AMPH: variants seen among roughly 807,000 people sequenced by gnomAD.
The protein encoded by AMPH is amphiphysin (Stiff-Mann syndrome with breast cancer 128kD autoantigen).
A neutral mutation model predicts 99.1 loss-of-function variants in AMPH; 49 were observed. The observed-to-expected ratio is 0.49, with a 90% CI of 0.39 to 0.63. AMPH has a LOEUF of 0.63. Among genes scored for constraint, AMPH ranks in the 20% least tolerant of loss-of-function variants. The pLI, the probability that AMPH is intolerant of heterozygous loss-of-function variation, is 0.00. For synonymous variants in AMPH, 314 were observed against 317.3 expected (o/e 0.99, Z 0.11); for missense variants, 759 against 863.4 (o/e 0.88, Z 1.52).
chr7:38,513,757 A>G (rs973021185), intron 2 of AMPH, among the ~76,000 whole-genome samples: 1 of 152,158 alleles, frequency 6.6e-6, no homozygotes, highest in Admixed American at 6.5e-5. Context: ...TACCTTAAAA[A>G]AAGTGTCCTG....
At chr7:38,598,743 G>A (rs17499304) in intron 1 of AMPH, among the ~76,000 whole-genome samples, 2 of 151,852 alleles carry the variant, frequency 1.3e-5, no homozygotes, top group African/African-American at 4.8e-5. Flanking sequence ...TCTTAGTTAT[G>A]TTTATTTTAT....
At chr7:38,444,700 G>T (rs1456310911) in intron 11 of AMPH, among the ~76,000 whole-genome samples, 1 of 152,064 alleles carries the variant, frequency 6.6e-6, no homozygotes, top group Non-Finnish European at 1.5e-5. Context: ...AACTGTTAGA[G>T]AATTTTTTTG....
At chr7:38,501,052 C>T (rs946265390) in intron 3 of AMPH, among the ~76,000 whole-genome samples, 8 of 152,124 alleles carry the variant, frequency 5.3e-5, no homozygotes, top group Admixed American at 1.3e-4. Flanking sequence ...CCATTGGTCA[C>T]GTAGTTCAAA....
chr7:38,570,086 C>T (rs1490866623), intron 1 of AMPH, among the ~76,000 whole-genome samples: 9 of 152,072 alleles, frequency 5.9e-5, no homozygotes, highest in African/African-American at 9.7e-5. Flanking sequence ...GTTGCCTTAA[C>T]GAGTCCTGGA....
At chr7:38,415,598 C>A (rs1785354289) in intron 17 of AMPH, among the ~76,000 whole-genome samples, 1 of 152,108 alleles carries the variant, frequency 6.6e-6, no homozygotes, top group Non-Finnish European at 1.5e-5. Context: ...TTATCTGATT[C>A]TATTTTCCTA....
chr7:38,412,823 C>A (rs1398937514), intron 17 of AMPH, among the ~76,000 whole-genome samples: 1 of 152,082 alleles, frequency 6.6e-6, no homozygotes, highest in Non-Finnish European at 1.5e-5. Context: ...ATCTCCTGGG[C>A]AATGAAGATA....
intron 5 of AMPH, among the ~76,000 whole-genome samples, chr7:38,488,099 T>A (rs1451424463): frequency 6.6e-6 from 1 of 152,194 alleles, no homozygotes; most frequent in South Asian, 2.1e-4. Context: ...GTTCAACCAT[T>A]CTGGAAGACA....
chr7:38,392,035 G>C lies in AMPH; in HGVS notation c.1609-18C>G, dbSNP rs774582370. 9.4e-6 allele frequency: 15 copies of C among 1,600,784 alleles called. No individual in the cohort carries two copies. In the Admixed American group the frequency reaches 2.5e-4, roughly 27 times the overall value. On this transcript the variant is annotated intron_variant, in intron 18 of 20. Coordinates refer to ENST00000356264, the MANE Select transcript of AMPH (RefSeq NM_001635.4). ...ACCTTCTCCTGGGGGAAGAAAAACC[G>C]TGGCGATGCCCGGCAGGGCCTGGAA...
intron 1 of AMPH, among the ~76,000 whole-genome samples, chr7:38,604,090 A>G (rs1164036806): frequency 6.6e-6 from 1 of 152,200 alleles, no homozygotes; most frequent in African/African-American, 2.4e-5. Flanking sequence ...AAATAGACAC[A>G]CAAGTGTGAT....
At chr7:38,593,557 C>T (rs189418736) in intron 1 of AMPH, among the ~76,000 whole-genome samples, 4 of 152,332 alleles carry the variant, frequency 2.6e-5, no homozygotes, top group Non-Finnish European at 5.9e-5. Flanking sequence ...CTAACTGCCT[C>T]TATAAAAATA....
intron 1 of AMPH, among the ~76,000 whole-genome samples, chr7:38,545,000 T>C (rs1790941697): frequency 6.6e-6 from 1 of 152,230 alleles, no homozygotes; most frequent in Non-Finnish European, 1.5e-5. Flanking sequence ...AAAGGGATAC[T>C]GTAGAGTCTA....
intron 17 of AMPH, among the ~76,000 whole-genome samples, chr7:38,399,626 C>G (rs1012634273): frequency 6.6e-6 from 1 of 152,188 alleles, no homozygotes; most frequent in Non-Finnish European, 1.5e-5. Flanking sequence ...ATTTTCTATG[C>G]TCTGCTTGCT....
chr7:38,414,971 AT>A (rs35687877), intron 17 of AMPH, among the ~76,000 whole-genome samples: 1 of 151,990 alleles, frequency 6.6e-6, no homozygotes, highest in South Asian at 2.1e-4. Context: ...GCCCCAAATC[AT>A]TTTTTTTCTA....
intron 2 of AMPH, among the ~76,000 whole-genome samples, chr7:38,509,054 AGC>A (rs769886786): frequency 6.6e-6 from 1 of 152,170 alleles, no homozygotes; most frequent in Non-Finnish European, 1.5e-5. Flanking sequence ...AAGATGTAAA[AGC>A]GCCCAGGGTC....
rs1012093663 is a variant in AMPH, at chr7:38,580,334, T to C, written c.70-45323A>G. Among the ~76,000 whole-genome samples the C allele has an allele frequency of 2.6e-5, 4 of 152,148 alleles. No individual in the cohort carries two copies. In the South Asian group the frequency reaches 6.2e-4, roughly 24 times the overall value. ...CATGTAAAACCCTGCATTCTTTATC[T>C]CCTTATTAGGGGTTTACAATGCACA... On this transcript the variant is annotated intron_variant, in intron 1 of 20. Transcript: ENST00000356264.
intron 17 of AMPH, among the ~76,000 whole-genome samples, chr7:38,396,431 T>A (rs1032353491): frequency 6.6e-6 from 1 of 152,222 alleles, no homozygotes; most frequent in Non-Finnish European, 1.5e-5. Context: ...TCCCCAGCTA[T>A]GTGGAACTGT....
At chr7:38,470,451 A>G (rs1055677307) in intron 7 of AMPH, among the ~76,000 whole-genome samples, 4 of 151,860 alleles carry the variant, frequency 2.6e-5, no homozygotes, top group African/African-American at 9.7e-5. Context: ...CTCTATTGTA[A>G]ATGATAGTCC....
chr7:38,574,899 C>T (rs935201261), intron 1 of AMPH, among the ~76,000 whole-genome samples: 12 of 151,642 alleles, frequency 7.9e-5, no homozygotes, highest in Admixed American at 3.9e-4. Flanking sequence ...ACTAAAAATA[C>T]AAAAATTAGC....
chr7:38,500,025 T>C (rs2014872), intron 3 of AMPH, among the ~76,000 whole-genome samples: 46,002 of 152,120 alleles, frequency 0.3, 7,420 homozygotes, highest in Middle Eastern at 0.43. Flanking sequence ...TCTTTATAAA[T>C]TACCCAGTCT....
Sources: allele counts gnomAD v4.1 joint callset (sites outside exome capture counted in the v4.1 genomes callset), GRCh38; gene constraint gnomAD v4.1.1; transcripts MANE v1.5; gene names NCBI Gene and HGNC (gene_info 2026-07-23, HGNC 2026-07-21).